PLA2G5: variants seen among roughly 807,000 people sequenced by gnomAD.
The protein encoded by PLA2G5 is phospholipase A2 group V.
PLA2G5 carries 12 observed loss-of-function variants against 15.9 expected under a neutral mutation model. The ratio of observed to expected loss-of-function variants is 0.76; its 90% CI spans 0.48 to 1.23. The LOEUF (loss-of-function observed/expected upper bound fraction) is 1.23. Among genes scored for constraint, PLA2G5 ranks in the 50% most tolerant of loss-of-function variants. The probability of loss-of-function intolerance (pLI) is 0.00; values close to 1 mark genes in which losing one functional copy is unlikely to be tolerated. For synonymous variants in PLA2G5, 71 were observed against 71.4 expected, an observed-to-expected ratio of 0.99 and a Z score of 0.03; for missense variants, 169 against 177.1, an observed-to-expected ratio of 0.95 and a Z score of 0.26.
chr1:20,056,196 T>G (rs902251376), intron 1 of PLA2G5, among the ~76,000 whole-genome samples: 16 of 152,026 alleles, frequency 1.1e-4, no homozygotes, highest in African/African-American at 3.9e-4. Context: ...AAAATACACA[T>G]CCTCTTGCAT....
chr1:20,037,170 C>T (rs1002936813), intron 1 of PLA2G5, among the ~76,000 whole-genome samples: 7 of 152,170 alleles, frequency 4.6e-5, no homozygotes, highest in South Asian at 4.1e-4. Context: ...CGTTCCTTCT[C>T]ATTTGGGGTA....
At chr1:20,079,065 G>A (rs916431388) in intron 1 of PLA2G5, among the ~76,000 whole-genome samples, 1 of 146,752 alleles carries the variant, frequency 6.8e-6, no homozygotes, top group African/African-American at 2.5e-5. Flanking sequence ...AGTGAGATGT[G>A]ATTGTGTCTC....
At chr1:20,030,164 G>C (rs1430896436) in intron 1 of PLA2G5, among the ~76,000 whole-genome samples, 1 of 151,862 alleles carries the variant, frequency 6.6e-6, no homozygotes, top group African/African-American at 2.4e-5. Context: ...AGCATACGAA[G>C]GACCAGCGCT....
chr1:20,069,280 C>T (rs1481027305), upstream of PLA2G5, among the ~76,000 whole-genome samples: 1 of 152,152 alleles, frequency 6.6e-6, no homozygotes, highest in Non-Finnish European at 1.5e-5. Context: ...AAACATTTAA[C>T]CTGATAATCA....
intron 1 of PLA2G5, among the ~76,000 whole-genome samples, chr1:20,076,576 C>T (rs1248146977): frequency 7.2e-6 from 1 of 138,542 alleles, no homozygotes; most frequent in Non-Finnish European, 1.6e-5. Context: ...AGGTACCTAA[C>T]ATCTGCCCCT....
In PLA2G5 at chr1:20,084,421, C is replaced by T. The variant is rs940495389; in HGVS notation, c.-10-400C>T. ...TCTCTGTCCAGGAATTTTTTTCTTC[C>T]GTCTTACATCTTTCATCAAAGGCCA... is the stretch of plus-strand genomic sequence containing the variant. On this transcript the variant is annotated intron_variant, in intron 1 of 4. Coordinates refer to ENST00000375108, the MANE Select transcript of PLA2G5 (RefSeq NM_000929.3). Among the ~76,000 whole-genome samples the T allele has an allele frequency of 5.9e-5, 9 of 152,160 alleles. 1 individual carries two copies. The highest frequency in any genetic ancestry group is 8.8e-5 in the Non-Finnish European group (6 of 68,028).
intron 1 of PLA2G5, among the ~76,000 whole-genome samples, chr1:20,083,549 G>C (rs1421836521): frequency 6.6e-6 from 1 of 151,896 alleles, no homozygotes; most frequent in Non-Finnish European, 1.5e-5. Flanking sequence ...AGGAACCTCT[G>C]AGAAGCCAAA....
chr1:20,033,425 T>C (rs2013077699), intron 1 of PLA2G5, among the ~76,000 whole-genome samples: 2 of 152,144 alleles, frequency 1.3e-5, no homozygotes, highest in African/African-American at 2.4e-5. Context: ...GGGTTACCTA[T>C]GAATAAGACA....
At chr1:20,084,625 T>C (rs573780964) in intron 1 of PLA2G5, among the ~76,000 whole-genome samples, 196 bp from the exon 2 acceptor site, 1 of 152,280 alleles carries the variant, frequency 6.6e-6, no homozygotes, top group African/African-American at 2.4e-5. Flanking sequence ...CTTCCATTAT[T>C]GTCCCTCTGC....
intron 1 of PLA2G5, among the ~76,000 whole-genome samples, chr1:20,051,591 G>T (rs1327618573): frequency 6.6e-6 from 1 of 152,150 alleles, no homozygotes; most frequent in Non-Finnish European, 1.5e-5. Context: ...ACTATTTGTG[G>T]GTATTCATAA....
intron 1 of PLA2G5, among the ~76,000 whole-genome samples, chr1:20,036,374 T>C (rs2013248990): frequency 6.6e-6 from 1 of 152,162 alleles, no homozygotes; most frequent in Non-Finnish European, 1.5e-5. Flanking sequence ...CACCAATTAT[T>C]CATTCTTAGG....
chr1:20,044,490 G>A lies in PLA2G5; in HGVS notation n.277-15142G>A, dbSNP rs193295067. Among the ~76,000 whole-genome samples the A allele has an allele frequency of 9.5e-4, 145 of 152,298 alleles. 1 individual carries two copies. The highest frequency in any genetic ancestry group is 3.5e-3 in the African/African-American group (145 of 41,556). On this transcript the variant is annotated intron_variant and non_coding_transcript_variant, in intron 1 of 6. Coordinates refer to the PLA2G5 transcript ENST00000460175. ...TTCTGGTCCCTCTGGGTCCAAGGCT[G>A]TAAAGCGTCTAAGGGTTGTTGCCAA...
chr1:20,047,814 A>G (rs1305161658), intron 1 of PLA2G5, among the ~76,000 whole-genome samples: 2 of 151,846 alleles, frequency 1.3e-5, no homozygotes, highest in African/African-American at 4.8e-5. Flanking sequence ...TTAATTGGCA[A>G]TTCAATCCAT....
intron 1 of PLA2G5, among the ~76,000 whole-genome samples, chr1:20,080,887 T>C (rs1408535489): frequency 1.3e-5 from 2 of 151,870 alleles, no homozygotes; most frequent in Non-Finnish European, 2.9e-5. Flanking sequence ...AGGAGACACC[T>C]GGCCCCCTTG....
chr1:20,030,467 ATAATG>A (rs1316423369), intron 1 of PLA2G5, among the ~76,000 whole-genome samples: 1 of 152,052 alleles, frequency 6.6e-6, no homozygotes, highest in Non-Finnish European at 1.5e-5. Context: ...CTCAGTAAAT[ATAATG>A]TATGATCGAG....
chr1:20,050,534 G>A (rs1017565983), intron 1 of PLA2G5, among the ~76,000 whole-genome samples: 1 of 152,150 alleles, frequency 6.6e-6, no homozygotes, highest in Admixed American at 6.5e-5. Flanking sequence ...TCTTCTTGAA[G>A]CATTAACCAA....
At chr1:20,069,758 G>A (rs2015248461), upstream of PLA2G5, among the ~76,000 whole-genome samples, 1 of 152,120 alleles carries the variant, frequency 6.6e-6, no homozygotes, top group African/African-American at 2.4e-5. Flanking sequence ...ACACCAAAGA[G>A]CCACAACAAT....
chr1:20,053,576 G>GC lies in PLA2G5; in HGVS notation n.277-6056_277-6055insC, dbSNP rs1209321192. On this transcript the variant is annotated intron_variant and non_coding_transcript_variant, in intron 1 of 6. Transcript: ENST00000460175. ...TTAATTATGTATTACTTTGCGGGGG[G>GC]GGGGGTGATATGCAAAACTTTCCCT... 3.5e-5 allele frequency among the ~76,000 whole-genome samples: 5 copies of GC among 142,816 alleles called. No individual in the cohort carries two copies. In the East Asian group the frequency reaches 6.8e-4, roughly 19 times the overall value. 93.7% of individuals were successfully genotyped at this position (142,816 alleles called of 152,430 possible).
At chr1:20,089,675 G>A in intron 3 of PLA2G5, 114 bp from the exon 4 acceptor site, 2 of 726,560 alleles carry the variant, frequency 2.8e-6, no homozygotes, top group East Asian at 2.7e-5. Flanking sequence ...CTGCCACATC[G>A]CGTCCACCAA....
Sources: allele counts gnomAD v4.1 joint callset (sites outside exome capture counted in the v4.1 genomes callset), GRCh38; gene constraint gnomAD v4.1.1; transcripts MANE v1.5; gene names NCBI Gene and HGNC (gene_info 2026-07-23, HGNC 2026-07-21).